The following ATP8B2 variants were observed in gnomAD, a reference collection of about 807,000 sequenced individuals.
ATP8B2 encodes phospholipid-transporting ATPase ID.
In ATP8B2, 70 loss-of-function variants were observed where a neutral mutation model predicts 133.4. That is an observed-to-expected ratio of 0.52 (90% CI 0.43 to 0.64). The LOEUF is 0.64. Ranked by LOEUF, ATP8B2 falls within the 30% of genes least tolerant of loss-of-function variation. The pLI, the probability that ATP8B2 is intolerant of heterozygous loss-of-function variation, is 0.00. For synonymous variants in ATP8B2, 517 were observed against 589.5 expected (o/e 0.88, Z 1.78); for missense variants, 1,101 against 1,535.7 (o/e 0.72, Z 4.73).
At position 154,344,964 on chromosome 1, in the gene ATP8B2, G is replaced by A. The variant is rs1410762164; in HGVS notation, c.2287-7G>A. 2 of 1,607,046 alleles carry A rather than the reference G, an allele frequency of 1.2e-6. No individual in the cohort carries two copies. Among genetic ancestry groups the A allele is most frequent in the Non-Finnish European group, 1.7e-6 (2 of 1,175,948 alleles). On this transcript the variant is annotated splice_region_variant and splice_polypyrimidine_tract_variant and intron_variant, in intron 21 of 27. Coordinates refer to ENST00000368489, the MANE Select transcript of ATP8B2 (RefSeq NM_001370597.1). This position sits in a 1 kb window ranked among gnomAD's most constrained non-coding sequence, Gnocchi z 4.1. ...GACTGGCTCTCTCAGGTTTCTCTGTGCTCCAGGCCCACGCACTGGAGGCAG... is the reference window on the plus strand; with the variant it reads ...GACTGGCTCTCTCAGGTTTCTCTGTACTCCAGGCCCACGCACTGGAGGCAG...
At chr1:154,336,479 A>G (rs1686185283) in intron 11 of ATP8B2, among the ~76,000 whole-genome samples, 2 of 112,304 alleles carry the variant, frequency 1.8e-5, no homozygotes, top group Middle Eastern at 4.5e-3. Flanking sequence ...AAAAAATCTC[A>G]TAAATTTTTT....
rs1570867798 is a variant in ATP8B2 at position 154,343,516 on chromosome 1, G to C, written c.1706G>C (p.Arg569Thr). 1 of 1,614,124 alleles carries C rather than the reference G, an allele frequency of 6.2e-7. No individual in the cohort carries two copies. The highest frequency in any genetic ancestry group is 1.3e-5 in the African/African-American group (1 of 75,012). The change falls in exon 17 of 28, where the codon AGA (arginine) becomes ACA (threonine). Residue 569 changes from arginine (R) to threonine (T), a missense_variant. By Grantham distance (71) the Arg-to-Thr change is moderately conservative. Coordinates refer to ENST00000368489, the MANE Select transcript of ATP8B2 (RefSeq NM_001370597.1). The surrounding 1 kb of genome is among the most constrained non-coding windows in gnomAD (Gnocchi z 5.8). ...GGGGCTGACACTATCCTACTGGACA[G>C]ACTGCACCACTCCACTCAAGAGCTG... The part of the protein sequence containing the change: ...CKGADTILLD[R>T]LHHSTQELLN...
In ATP8B2 at chr1:154,342,471, T is replaced by A; in HGVS notation, c.1244-9T>A. On this transcript the variant is annotated splice_polypyrimidine_tract_variant and intron_variant, in intron 13 of 27. Coordinates refer to ENST00000368489, the MANE Select transcript of ATP8B2 (RefSeq NM_001370597.1). ...ACATTGCTTCTTTTTCTGCCCTGGC[T>A]GTATGTAGGTGATGTGTTTGACGTC... The A allele has an allele frequency of 6.2e-7, 1 of 1,613,664 alleles. No homozygotes were observed. The highest frequency in any genetic ancestry group is 1.3e-5 in the African/African-American group (1 of 74,992).
intron 26 of ATP8B2, among the ~76,000 whole-genome samples, chr1:154,347,264 GA>G (rs1257121147): frequency 2.0e-5 from 3 of 152,204 alleles, no homozygotes; most frequent in African/African-American, 7.2e-5. Flanking sequence ...CCAGGAAGAG[GA>G]AACAGCAATA....
Position 154,331,433 on chromosome 1 carries a change from C to A in ATP8B2, c.304-11C>A. On this transcript the variant is annotated splice_polypyrimidine_tract_variant and intron_variant, in intron 5 of 27. Coordinates refer to ENST00000368489, the MANE Select transcript of ATP8B2 (RefSeq NM_001370597.1). This position sits in a 1 kb window ranked among gnomAD's most constrained non-coding sequence, Gnocchi z 4.8. The stretch of plus-strand genomic sequence containing the variant: ...GGAAGGTGTCTTACCTTTCAGTTTT[C>A]TTCTTTTCAGTTCCGCCACAAGAGC... The A allele has an allele frequency of 1.9e-6, 3 of 1,613,720 alleles. No homozygotes were observed. Among genetic ancestry groups the A allele is most frequent in the Non-Finnish European group, 1.7e-6 (2 of 1,179,914 alleles).
In ATP8B2 at chr1:154,347,039, G is replaced by A. The variant is rs189856308; in HGVS notation, c.3163+281G>A. 6.4e-4 allele frequency among the ~76,000 whole-genome samples: 97 copies of A among 152,192 alleles called. No homozygotes were observed. In the East Asian group the frequency reaches 0.013, roughly 20 times the overall value. On this transcript the variant is annotated intron_variant, in intron 26 of 27. Transcript: ENST00000368489. ...TGAGTAGCTGGGATTACAGGCACAC[G>A]CCACCAAGCCTGGCTAATTTTTGTA...
Position 154,336,385 on chromosome 1 carries a change from T to C in ATP8B2, c.838-963T>C, listed in dbSNP as rs147447093. On this transcript the variant is annotated intron_variant, in intron 11 of 27. Coordinates refer to ENST00000368489, the MANE Select transcript of ATP8B2 (RefSeq NM_001370597.1). ...AATATTTTGGCATCCCTGGGCCACA[T>C]TGGAAGAAGAATTGTCTTGGGCCAC... Among the ~76,000 whole-genome samples, 367 of 152,008 alleles carry C rather than the reference T, an allele frequency of 2.4e-3. 3 individuals are homozygous for C. The highest frequency in any genetic ancestry group is 8.2e-3 in the African/African-American group (341 of 41,426).
chr1:154,344,765 G>A lies in ATP8B2; in HGVS notation c.2266G>A (p.Val756Ile). 6.2e-7 allele frequency: 1 copy of A among 1,602,150 alleles called. No individual in the cohort carries two copies. The highest frequency in any genetic ancestry group is 8.5e-7 in the Non-Finnish European group (1 of 1,170,232). ...LEAVAGEYAL[V>I]INGHSLAHAL... ...GGCCGTTGCTGGGGAGTACGCCCTGGTCATAAATGGTCACAGCCTGGTAGG... is the reference window on the plus strand; with the variant it reads ...GGCCGTTGCTGGGGAGTACGCCCTGATCATAAATGGTCACAGCCTGGTAGG... Residue 756 changes from valine (V) to isoleucine (I), a missense_variant, in exon 21 of 28, where the codon GTC becomes ATC. Val to Ile is a conservative substitution (Grantham distance 29, BLOSUM62 3). Transcript: ENST00000368489. This position sits in a 1 kb window ranked among gnomAD's most constrained non-coding sequence, Gnocchi z 4.1.
intron 11 of ATP8B2, among the ~76,000 whole-genome samples, chr1:154,336,620 T>C (rs1423626800): frequency 1.3e-5 from 2 of 151,810 alleles, no homozygotes; most frequent in African/African-American, 4.8e-5. Flanking sequence ...CCCTAGTAGC[T>C]GGGATTACAG....
chr1:154,326,060 C>A (rs969726611), intron 1 of ATP8B2, among the ~76,000 whole-genome samples: 1 of 152,020 alleles, frequency 6.6e-6, no homozygotes, highest in Non-Finnish European at 1.5e-5. Context: ...GAGGAGTAAC[C>A]GGGACCCGAG....
At chr1:154,337,050 A>T (rs1427848645) in intron 11 of ATP8B2, among the ~76,000 whole-genome samples, 2 of 151,724 alleles carry the variant, frequency 1.3e-5, no homozygotes, top group African/African-American at 2.4e-5. Context: ...CATCCGCCTC[A>T]ACCTCCCAAA....
rs1374438297 is a variant in ATP8B2 at position 154,334,630 on chromosome 1, T to A, written c.837+39T>A. The A allele has an allele frequency of 1.3e-6, 2 of 1,558,626 alleles. No homozygotes were observed. Among genetic ancestry groups the A allele is most frequent in the South Asian group, 1.1e-5 (1 of 89,622 alleles). ...CATCTGGCTCCCTGCCCCTGCCCTC[T>A]CTTCTCCTTGGGTGCTCCTTTTCCT... On this transcript the variant is annotated intron_variant, in intron 11 of 27. Coordinates refer to ENST00000368489, the MANE Select transcript of ATP8B2 (RefSeq NM_001370597.1). This position sits in a 1 kb window ranked among gnomAD's most constrained non-coding sequence, Gnocchi z 4.6.
rs1685965773 is a variant in ATP8B2 at position 154,330,902 on chromosome 1, T to C, written c.178T>C (p.Tyr60His). The C allele has an allele frequency of 1.2e-6, 2 of 1,613,896 alleles. No individual in the cohort carries two copies. Among genetic ancestry groups the C allele is most frequent in the South Asian group, 1.1e-5 (1 of 91,074 alleles). The change falls in exon 4 of 28, where the codon TAC (tyrosine) becomes CAC (histidine). Residue 60 changes from tyrosine (Y) to histidine (H), a missense_variant. By Grantham distance (83) the Tyr-to-His change is moderately conservative. Coordinates refer to ENST00000368489, the MANE Select transcript of ATP8B2 (RefSeq NM_001370597.1). ...FEQFQEVANTYFLFLLILQLI... is the reference protein window; with the variant it reads ...FEQFQEVANTHFLFLLILQLI... ...GCAGTTCCAGGAAGTTGCCAACACT[T>C]ACTTCCTGTTCCTCCTCATTCTGCA... is the stretch of plus-strand genomic sequence containing the variant.
At chr1:154,326,470 G>A (rs986062659) in intron 1 of ATP8B2, among the ~76,000 whole-genome samples, 6 of 152,152 alleles carry the variant, frequency 3.9e-5, no homozygotes, top group Non-Finnish European at 8.8e-5. Flanking sequence ...TGGGTGACGG[G>A]GCAGGGCAAC....
chr1:154,328,190 G>A lies in ATP8B2; in HGVS notation c.31+18G>A. 1 of 1,606,792 alleles carries A rather than the reference G, an allele frequency of 6.2e-7. No individual in the cohort carries two copies. Among genetic ancestry groups the A allele is most frequent in the Non-Finnish European group, 8.5e-7 (1 of 1,173,764 alleles). On this transcript the variant is annotated intron_variant, in intron 2 of 27. Transcript: ENST00000368489. This position sits in a 1 kb window ranked among gnomAD's most constrained non-coding sequence, Gnocchi z 4.6. ...CCCCCCAGGTAAGACAGGCAAGGAGGGGAGATCCCGGGAACCATCAAGAGT... is the reference window on the plus strand; with the variant it reads ...CCCCCCAGGTAAGACAGGCAAGGAGAGGAGATCCCGGGAACCATCAAGAGT...
In ATP8B2 at chr1:154,331,516, G is replaced by T. The variant is rs1424381510; in HGVS notation, c.365+11G>T. 3 of 1,614,094 alleles carry T rather than the reference G, an allele frequency of 1.9e-6. No individual in the cohort carries two copies. Among genetic ancestry groups the T allele is most frequent in the Non-Finnish European group, 2.5e-6 (3 of 1,179,944 alleles). ...GCTGATCAATGGAATGTGAGTGCCTGTTGGAGACAAGAGCTCTGGGGACGA... is the reference window on the plus strand; with the variant it reads ...GCTGATCAATGGAATGTGAGTGCCTTTTGGAGACAAGAGCTCTGGGGACGA... On this transcript the variant is annotated intron_variant, in intron 6 of 27. Coordinates refer to ENST00000368489, the MANE Select transcript of ATP8B2 (RefSeq NM_001370597.1). The surrounding 1 kb of genome is among the most constrained non-coding windows in gnomAD (Gnocchi z 4.8).
At chr1:154,342,420 C>G (rs938052102) in intron 13 of ATP8B2, 60 bp from the exon 14 acceptor site, 3 of 1,551,280 alleles carry the variant, frequency 1.9e-6, no homozygotes, top group Non-Finnish European at 2.7e-6. Flanking sequence ...AGATGTTTTT[C>G]CATGCTCTGG....
At chr1:154,337,974 A>C (rs766620240) in intron 12 of ATP8B2, 1 of 304,788 alleles carries the variant, frequency 3.3e-6, no homozygotes, top group Non-Finnish European at 6.0e-6. Flanking sequence ...TTGGGGATAC[A>C]GAGATGTATA....
chr1:154,334,118 T>C lies in ATP8B2; in HGVS notation c.601T>C (p.Cys201Arg), dbSNP rs1319297900. 1 of 1,614,218 alleles carries C rather than the reference T, an allele frequency of 6.2e-7. No individual in the cohort carries two copies. The stretch of plus-strand genomic sequence containing the variant: ...TGTCTCCTGTTCAGGTGAAGTGATC[T>C]GTGAACCTCCCAACAACAAACTGGA... ...KLAKFDGEVI[C>R]EPPNNKLDKF... Residue 201 changes from cysteine to arginine, a missense_variant, in exon 10 of 28, where the codon TGT becomes CGT. Coordinates refer to ENST00000368489, the MANE Select transcript of ATP8B2 (RefSeq NM_001370597.1). The surrounding 1 kb of genome is among the most constrained non-coding windows in gnomAD (Gnocchi z 4.6).
Sources: gnomAD v4.1 joint callset for allele counts (sites outside exome capture counted in the v4.1 genomes callset) on GRCh38, gnomAD v4.1.1 for gene constraint, Gnocchi (gnomAD v3.1) non-coding constraint, MANE v1.5 for transcripts, NCBI Gene and HGNC (gene_info 2026-07-23, HGNC 2026-07-21) for gene names.